The following CLVS1 variants were observed in gnomAD, a reference collection of about 807,000 sequenced individuals.
The protein encoded by CLVS1 is clavesin 1.
Under a neutral mutation model 33.1 loss-of-function variants are expected in CLVS1, and 10 were observed. The ratio of observed to expected loss-of-function variants is 0.30; its 90% CI spans 0.19 to 0.51. The LOEUF is 0.51. Ranked by LOEUF, CLVS1 falls within the 20% of genes least tolerant of loss-of-function variation. The pLI is 0.97. For missense variants in CLVS1, 343 were observed against 433.4 expected, an observed-to-expected ratio of 0.79 and a Z score of 1.85; for synonymous variants, 163 against 166.1, an observed-to-expected ratio of 0.98 and a Z score of 0.14.
At chr8:61,288,269 AC>A (rs1809844795) in intron 1 of CLVS1, 131 bp downstream of exon 1, 1 of 455,736 alleles carries the variant, frequency 2.2e-6, no homozygotes, top group African/African-American at 2.0e-5. Context: ...ATCCCTCTGC[AC>A]TCCATCCCTC....
intron 1 of CLVS1, among the ~76,000 whole-genome samples, chr8:61,089,962 G>C (rs376155978): frequency 6.6e-6 from 1 of 152,148 alleles, no homozygotes; most frequent in Non-Finnish European, 1.5e-5. Context: ...CAGGAAGCAG[G>C]TTCCATGACT....
At chr8:61,479,677 G>A (rs1000813297) in intron 5 of CLVS1, among the ~76,000 whole-genome samples, 10 of 152,030 alleles carry the variant, frequency 6.6e-5, no homozygotes, top group African/African-American at 2.2e-4. Context: ...TAGAGTTTCC[G>A]GTTTTTCTGC....
chr8:61,424,025 C>T lies in CLVS1; in HGVS notation c.631-30116C>T, dbSNP rs979424835. 3.9e-5 allele frequency among the ~76,000 whole-genome samples: 6 copies of T among 152,182 alleles called. No homozygotes were observed. The East Asian group carries it at 1.2e-3, about 29-fold the overall frequency. On this transcript the variant is annotated intron_variant, in intron 3 of 5. Coordinates refer to ENST00000325897, the MANE Select transcript of CLVS1 (RefSeq NM_173519.3). ...CAATTTATAACCTCTATCTTCATCT[C>T]TCTTCCCTTGCACACGCACACAAAC...
intron 2 of CLVS1, among the ~76,000 whole-genome samples, chr8:61,338,761 C>T (rs1267693290): frequency 6.6e-6 from 1 of 152,118 alleles, no homozygotes; most frequent in African/African-American, 2.4e-5. Context: ...CGCCGAGGGA[C>T]CCCCCAACCT....
intron 2 of CLVS1, among the ~76,000 whole-genome samples, chr8:61,270,852 G>C (rs1481207527): frequency 4.6e-5 from 7 of 152,036 alleles, no homozygotes; most frequent in Non-Finnish European, 1.5e-5. Flanking sequence ...TGTGGGATCG[G>C]TGGTGATATC....
chr8:61,151,915 C>T (rs1217629055), intron 2 of CLVS1, among the ~76,000 whole-genome samples: 1 of 152,132 alleles, frequency 6.6e-6, no homozygotes, highest in African/African-American at 2.4e-5. Context: ...AGTTTGAGAG[C>T]TTTAGAGGAA....
chr8:61,243,925 G>T (rs1033451684), intron 2 of CLVS1, among the ~76,000 whole-genome samples: 2 of 152,066 alleles, frequency 1.3e-5, no homozygotes, highest in African/African-American at 4.8e-5. Flanking sequence ...ACATTTTTAA[G>T]ATCTTCTTTT....
chr8:61,110,764 G>A (rs1805611878), intron 1 of CLVS1, among the ~76,000 whole-genome samples: 1 of 152,072 alleles, frequency 6.6e-6, no homozygotes, highest in Non-Finnish European at 1.5e-5. Flanking sequence ...TTGACTACTT[G>A]AATTATCTCA....
upstream of CLVS1, among the ~76,000 whole-genome samples, chr8:61,284,574 T>C (rs1366748891): frequency 6.6e-6 from 1 of 152,174 alleles, no homozygotes; most frequent in Non-Finnish European, 1.5e-5. Context: ...AAGACCAAAG[T>C]GTCGGTAGTG....
intron 3 of CLVS1, among the ~76,000 whole-genome samples, chr8:61,444,655 T>C (rs1359937105): frequency 1.3e-5 from 2 of 152,146 alleles, no homozygotes; most frequent in South Asian, 2.1e-4. Context: ...CACTACAGAA[T>C]GGAGTCACAT....
chr8:61,414,125 T>C (rs1815338797), intron 3 of CLVS1, among the ~76,000 whole-genome samples: 1 of 152,178 alleles, frequency 6.6e-6, no homozygotes, highest in Admixed American at 6.5e-5. Context: ...GAAAAATAAA[T>C]CTGGCTTCCT....
intron 1 of CLVS1, among the ~76,000 whole-genome samples, chr8:61,090,594 C>G (rs1391950940): frequency 6.6e-6 from 1 of 152,062 alleles, no homozygotes; most frequent in Non-Finnish European, 1.5e-5. Context: ...CATTCCCAGG[C>G]CCTGAAATGC....
At chr8:61,352,782 T>TAATGAACAAAAAAAC (rs949646643) in intron 2 of CLVS1, among the ~76,000 whole-genome samples, 5 of 151,350 alleles carry the variant, frequency 3.3e-5, no homozygotes, top group African/African-American at 1.2e-4. Flanking sequence ...AAAAAAGCAA[T>TAATGAACAAAAAAAC]AAAAAATAAC....
At chr8:61,185,359 GC>G (rs1807325420) in intron 2 of CLVS1, among the ~76,000 whole-genome samples, 1 of 128,542 alleles carries the variant, frequency 7.8e-6, no homozygotes, top group African/African-American at 2.9e-5. Context: ...TTGCCATGTT[GC>G]CCAGGCTGGT....
the CLVS1 span, among the ~76,000 whole-genome samples, chr8:60,969,529 G>A: frequency 6.6e-6 from 1 of 152,082 alleles, no homozygotes; most frequent in Non-Finnish European, 1.5e-5. Flanking sequence ...TAAAAGAAAG[G>A]GGTTATACGT....
At chr8:61,147,877 G>A (rs1033340920) in intron 2 of CLVS1, among the ~76,000 whole-genome samples, 7 of 148,340 alleles carry the variant, frequency 4.7e-5, no homozygotes, top group African/African-American at 1.3e-4. Context: ...TTGCAATGAC[G>A]CTGTCAGGAA....
At chr8:61,186,061 G>T (rs1807338831) in intron 2 of CLVS1, among the ~76,000 whole-genome samples, 1 of 152,198 alleles carries the variant, frequency 6.6e-6, no homozygotes, top group South Asian at 2.1e-4. Flanking sequence ...AGGGGAGGAT[G>T]CTTCCTACCT....
chr8:61,216,506 A>G (rs772931789), intron 2 of CLVS1, among the ~76,000 whole-genome samples: 8 of 152,086 alleles, frequency 5.3e-5, no homozygotes, highest in Non-Finnish European at 8.8e-5. Flanking sequence ...CATCATAGGC[A>G]CTCCAATGTG....
At chr8:61,123,894 G>A (rs980448901) in intron 1 of CLVS1, among the ~76,000 whole-genome samples, 4 of 152,188 alleles carry the variant, frequency 2.6e-5, no homozygotes, top group East Asian at 1.9e-4. Context: ...GGAGCATGGC[G>A]AGGAGGATGC....
Sources: gnomAD v4.1 joint callset for allele counts (sites outside exome capture counted in the v4.1 genomes callset) on GRCh38, gnomAD v4.1.1 for gene constraint, MANE v1.5 for transcripts, NCBI Gene and HGNC (gene_info 2026-07-23, HGNC 2026-07-21) for gene names.